Variants in SLC25A26 observed in about 807,000 individuals in gnomAD.
SLC25A26 encodes the protein mitochondrial S-adenosylmethionine carrier protein.
A neutral mutation model predicts 37.8 loss-of-function variants in SLC25A26; 36 were observed. The ratio of observed to expected loss-of-function variants is 0.95; its 90% CI spans 0.73 to 1.26. The LOEUF (loss-of-function observed/expected upper bound fraction) is 1.26. Ranked by LOEUF, SLC25A26 falls within the 50% of genes most tolerant of loss-of-function variation. The pLI, the probability that SLC25A26 is intolerant of heterozygous loss-of-function variation, is 0.00. For synonymous variants in SLC25A26, 129 were observed against 122.5 expected, an observed-to-expected ratio of 1.05 and a Z score of -0.35; for missense variants, 390 against 331.1, an observed-to-expected ratio of 1.18 and a Z score of -1.38.
chr3:66,219,712 G>A (rs2071417967), upstream of SLC25A26, among the ~76,000 whole-genome samples: 1 of 152,194 alleles, frequency 6.6e-6, no homozygotes, highest in Non-Finnish European at 1.5e-5. Context: ...GAGCTGGACT[G>A]TCTCCATTGG....
chr3:66,355,202 C>T, intron 6 of SLC25A26, among the ~76,000 whole-genome samples: 1 of 152,052 alleles, frequency 6.6e-6, no homozygotes, highest in Non-Finnish European at 1.5e-5. Flanking sequence ...TAAGAATAAT[C>T]AATGTCTTTG....
At chr3:66,269,207 C>G (rs1037921196) in intron 5 of SLC25A26, among the ~76,000 whole-genome samples, 1 of 152,204 alleles carries the variant, frequency 6.6e-6, no homozygotes, top group Non-Finnish European at 1.5e-5. Flanking sequence ...GCAGTATAGC[C>G]TGCTAGGAGA....
rs138880640 is a variant in SLC25A26 at position 66,224,898 on chromosome 3, G to A, written c.33+3771G>A. Among the ~76,000 whole-genome samples the A allele has an allele frequency of 6.2e-3, 941 of 152,356 alleles. 11 individuals carry two copies. Among genetic ancestry groups the A allele is most frequent in the African/African-American group, 0.021 (887 of 41,582 alleles). On this transcript the variant is annotated intron_variant, in intron 1 of 9. Transcript: ENST00000354883. ...TGCAAGTCTGAAATCCAACAGGGTA[G>A]TCACATCTTAAAGCTCTGAAATCAT...
chr3:66,362,987 T>C (rs1464548753), intron 7 of SLC25A26, 58 bp downstream of exon 7: 2 of 1,172,550 alleles, frequency 1.7e-6, no homozygotes, highest in Non-Finnish European at 2.4e-6. Context: ...TGTGAAAATA[T>C]TAACTATGCA....
intron 7 of SLC25A26, among the ~76,000 whole-genome samples, chr3:66,366,720 C>T (rs1164320065): frequency 6.6e-6 from 1 of 152,106 alleles, no homozygotes; most frequent in Admixed American, 6.5e-5. Flanking sequence ...GGTTTAGGAT[C>T]GTTTGTGAAC....
At chr3:66,352,088 T>TA (rs960557660) in intron 6 of SLC25A26, among the ~76,000 whole-genome samples, 23 of 147,954 alleles carry the variant, frequency 1.6e-4, no homozygotes, top group Admixed American at 2.7e-4. Context: ...CTACAAAAAT[T>TA]AAAAAAAAAA....
At chr3:66,229,799 A>G (rs2071925519) in intron 1 of SLC25A26, among the ~76,000 whole-genome samples, 1 of 152,176 alleles carries the variant, frequency 6.6e-6, no homozygotes. Context: ...ATTCCTGGAG[A>G]AATGGAAGAA....
At chr3:66,225,242 G>C (rs36194675) in intron 1 of SLC25A26, among the ~76,000 whole-genome samples, 39,546 of 152,034 alleles carry the variant, frequency 0.26, 5,793 homozygotes, top group African/African-American at 0.39. Context: ...CCTCGGCCTG[G>C]ACATCCCGAC....
chr3:66,292,616 T>C (rs1200850128), intron 5 of SLC25A26, among the ~76,000 whole-genome samples: 1 of 152,202 alleles, frequency 6.6e-6, no homozygotes, highest in Non-Finnish European at 1.5e-5. Context: ...ATGTTGAATA[T>C]TGGCCTCCAC....
At chr3:66,147,286 C>T (rs1188710762) in intron 1 of SLC25A26, among the ~76,000 whole-genome samples, 1 of 151,514 alleles carries the variant, frequency 6.6e-6, no homozygotes, top group African/African-American at 2.4e-5. Flanking sequence ...GCCTCATCCT[C>T]CCAAGTAGCT....
At chr3:66,329,989 CCTCCT>C (rs1367799108) in intron 5 of SLC25A26, among the ~76,000 whole-genome samples, 4 of 152,160 alleles carry the variant, frequency 2.6e-5, no homozygotes, top group African/African-American at 9.7e-5. Context: ...TCACAGAGAA[CCTCCT>C]ATGTGCCAGA....
chr3:66,369,510 G>T lies in SLC25A26; in HGVS notation c.601G>T (p.Asp201Tyr). 1 of 1,604,788 alleles carries T rather than the reference G, an allele frequency of 6.2e-7. No individual in the cohort carries two copies. Among genetic ancestry groups the T allele is most frequent in the Admixed American group, 1.7e-5 (1 of 58,782 alleles). ...GFAAAVTTPL[D>Y]VAKTRITLAK... ...TGCCGCTGCAGTCACCACCCCTCTA[G>T]ACGTGGCAAAGACAAGAATTACGCT... The change falls in exon 8 of 10, where the codon GAC becomes TAC. Residue 201 changes from aspartate (D) to tyrosine (Y), a missense_variant. Transcript: ENST00000354883.
intron 5 of SLC25A26, among the ~76,000 whole-genome samples, chr3:66,295,472 G>T (rs1412258869): frequency 6.6e-6 from 1 of 150,738 alleles, no homozygotes; most frequent in Admixed American, 6.6e-5. Flanking sequence ...GGTACGATCG[G>T]CTTACTGCAA....
intron 5 of SLC25A26, among the ~76,000 whole-genome samples, chr3:66,322,279 A>T (rs1335872504): frequency 2.0e-5 from 3 of 152,232 alleles, no homozygotes; most frequent in Non-Finnish European, 4.4e-5. Context: ...TTTAAAATAT[A>T]GGACACTTTT....
intron 5 of SLC25A26, among the ~76,000 whole-genome samples, chr3:66,285,449 C>G (rs970781614): frequency 1.0e-5 from 1 of 95,700 alleles, no homozygotes. Flanking sequence ...GCTATCAATT[C>G]TGAATCTTGT....
chr3:66,350,722 G>A (rs960717252), intron 6 of SLC25A26, among the ~76,000 whole-genome samples: 4 of 152,072 alleles, frequency 2.6e-5, no homozygotes, highest in South Asian at 2.1e-4. Flanking sequence ...GTGAGCGCGC[G>A]CGTGCGCGCA....
At chr3:66,145,754 A>G (rs929373811) in intron 1 of SLC25A26, among the ~76,000 whole-genome samples, 2 of 152,244 alleles carry the variant, frequency 1.3e-5, no homozygotes, top group African/African-American at 4.8e-5. Flanking sequence ...CTATTATGAC[A>G]GTTAAAGAAA....
At chr3:66,245,363 C>T (rs554509583) in intron 3 of SLC25A26, among the ~76,000 whole-genome samples, 1 of 151,882 alleles carries the variant, frequency 6.6e-6, no homozygotes, top group African/African-American at 2.4e-5. Context: ...ACCCCTTCTG[C>T]ACAATGCTGA....
chr3:66,140,301 G>A (rs2106664698), intron 1 of SLC25A26, among the ~76,000 whole-genome samples: 1 of 152,328 alleles, frequency 6.6e-6, no homozygotes, highest in South Asian at 2.1e-4. Context: ...AATGGAATGT[G>A]TATTCCGTTG....
Sources: gnomAD v4.1 joint callset for allele counts (sites outside exome capture counted in the v4.1 genomes callset) on GRCh38, gnomAD v4.1.1 for gene constraint, MANE v1.5 for transcripts, NCBI Gene and HGNC (gene_info 2026-07-23, HGNC 2026-07-21) for gene names.